The following PTPDC1 variants were observed in gnomAD, a reference collection of about 807,000 sequenced individuals.
The protein encoded by PTPDC1 is protein tyrosine phosphatase domain-containing protein 1.
A neutral mutation model predicts 75.3 loss-of-function variants in PTPDC1; 53 were observed. The ratio of observed to expected loss-of-function variants is 0.70; its 90% CI spans 0.56 to 0.88. PTPDC1 has a LOEUF of 0.88. Among genes scored for constraint, PTPDC1 ranks in the 40% least tolerant of loss-of-function variants. The pLI is 0.00. For missense variants in PTPDC1, 925 were observed against 998.6 expected (o/e 0.93, Z 0.99); for synonymous variants, 349 against 366.2 (o/e 0.95, Z 0.54).
rs1397961079 is a variant in PTPDC1, at chr9:94,098,246, C to T, written c.1680C>T (p.Pro560=). The change falls in exon 6 of 9, where the codon CCC becomes CCT. Residue 560 remains proline, a synonymous_variant. Coordinates refer to ENST00000620992, the MANE Select transcript of PTPDC1 (RefSeq NM_001253829.2). ...ACAGCCCTGGGGAGCCAGTTTCACC[C>T]AGCTTTGCAAATGTCCATAAGGATC... ...GSHSPGEPVS[P]SFANVHKDPN... 1 of 1,614,204 alleles carries T rather than the reference C, an allele frequency of 6.2e-7. No homozygotes were observed. Among genetic ancestry groups the T allele is most frequent in the East Asian group, 2.2e-5 (1 of 44,876 alleles).
At chr9:94,045,824 G>T (rs1488068830) in intron 1 of PTPDC1, among the ~76,000 whole-genome samples, 1 of 151,552 alleles carries the variant, frequency 6.6e-6, no homozygotes, top group Non-Finnish European at 1.5e-5. Flanking sequence ...AGTTTCTTTT[G>T]CTGTGCAGAA....
At chr9:94,058,889 G>C (rs145354499) in intron 1 of PTPDC1, among the ~76,000 whole-genome samples, 2 of 152,088 alleles carry the variant, frequency 1.3e-5, no homozygotes, top group African/African-American at 4.8e-5. Context: ...TACTTGGGAG[G>C]CTGAGGTAGC....
chr9:94,107,506 T>A (rs1828064925), intron 8 of PTPDC1, among the ~76,000 whole-genome samples: 1 of 152,160 alleles, frequency 6.6e-6, no homozygotes. Flanking sequence ...ATGGGAAACT[T>A]TTCTCTTATA....
chr9:94,050,611 C>T (rs1825758738), intron 1 of PTPDC1, among the ~76,000 whole-genome samples: 1 of 152,210 alleles, frequency 6.6e-6, no homozygotes, highest in Non-Finnish European at 1.5e-5. Flanking sequence ...TGTGAGGTGT[C>T]AGACTGCCCC....
At chr9:94,107,477 G>A (rs1038225553) in intron 8 of PTPDC1, among the ~76,000 whole-genome samples, 5 of 152,182 alleles carry the variant, frequency 3.3e-5, no homozygotes, top group African/African-American at 1.2e-4. Flanking sequence ...GACGTATACA[G>A]CTGATGTGCT....
intron 1 of PTPDC1, among the ~76,000 whole-genome samples, chr9:94,052,186 G>T (rs1330615789): frequency 6.6e-6 from 1 of 151,966 alleles, no homozygotes; most frequent in East Asian, 1.9e-4. Flanking sequence ...CTTTTACTTA[G>T]TTCAAAATAT....
At chr9:94,050,837 TC>T (rs1206840550) in intron 1 of PTPDC1, among the ~76,000 whole-genome samples, 1 of 152,240 alleles carries the variant, frequency 6.6e-6, no homozygotes, top group East Asian at 1.9e-4. Context: ...CAGGCAGGCC[TC>T]CTTGAGCTGC....
chr9:94,086,636 C>T (rs1827083041), intron 2 of PTPDC1, among the ~76,000 whole-genome samples: 1 of 152,150 alleles, frequency 6.6e-6, no homozygotes, highest in Non-Finnish European at 1.5e-5. Context: ...AGCCAGAGCC[C>T]AGAGGCCTGA....
chr9:94,031,693 A>G (rs1296887457), intron 1 of PTPDC1, among the ~76,000 whole-genome samples: 1 of 152,148 alleles, frequency 6.6e-6, no homozygotes, highest in Non-Finnish European at 1.5e-5. Flanking sequence ...AAAGAGCCTC[A>G]AAACAAGCAG....
At chr9:94,088,807 G>T (rs987766852) in intron 4 of PTPDC1, among the ~76,000 whole-genome samples, 4 of 152,126 alleles carry the variant, frequency 2.6e-5, no homozygotes, top group Non-Finnish European at 4.4e-5. Flanking sequence ...AACCAGGCTG[G>T]AAAGGATAAA....
Position 94,097,420 on chromosome 9 carries a change from G to T in PTPDC1, c.854G>T (p.Arg285Ile). Reference protein sequence around the residue: ...RAKRPNSIQTRGQLLCVREFT... With the variant: ...RAKRPNSIQTIGQLLCVREFT... Reference sequence around the variant, plus strand: ...AAGCGACCCAATTCCATACAAACCAGAGGACAGCTCCTCTGTGTAAGGGAA... The same window carrying T: ...AAGCGACCCAATTCCATACAAACCATAGGACAGCTCCTCTGTGTAAGGGAA... Residue 285 changes from arginine (R) to isoleucine (I), a missense_variant, in exon 6 of 9, where the codon AGA becomes ATA. Transcript: ENST00000620992. The T allele has an allele frequency of 6.2e-7, 1 of 1,614,164 alleles. No homozygotes were observed. Among genetic ancestry groups the T allele is most frequent in the Non-Finnish European group, 8.5e-7 (1 of 1,180,018 alleles).
chr9:94,064,953 T>C, intron 2 of PTPDC1: 2 of 654,142 alleles, frequency 3.1e-6, no homozygotes, highest in Non-Finnish European at 5.2e-6. Context: ...TATTACTTAC[T>C]GCCTTACCAT....
Position 94,061,026 on chromosome 9 carries a change from A to G in PTPDC1, c.-6-3708A>G, listed in dbSNP as rs1053803036. Among the ~76,000 whole-genome samples the G allele has an allele frequency of 2.6e-5, 4 of 152,202 alleles. No homozygotes were observed. In the South Asian group the frequency reaches 8.3e-4, roughly 31 times the overall value. On this transcript the variant is annotated intron_variant, in intron 1 of 9. Transcript: ENST00000375360. Reference sequence around the variant, plus strand: ...TAACTCAAAAGTCCAAAGTCTTATCAGAGACAAGGCTAGTACCTTCCACCT... The same window carrying G: ...TAACTCAAAAGTCCAAAGTCTTATCGGAGACAAGGCTAGTACCTTCCACCT...
At chr9:94,039,341 A>G (rs1445762907) in intron 1 of PTPDC1, among the ~76,000 whole-genome samples, 3 of 152,158 alleles carry the variant, frequency 2.0e-5, no homozygotes, top group Admixed American at 6.5e-5. Flanking sequence ...ATAAATATAT[A>G]CTAGATATTA....
chr9:94,095,254 T>TCAA, intron 4 of PTPDC1, 63 bp from the exon 5 acceptor site: 2 of 1,164,316 alleles, frequency 1.7e-6, no homozygotes, highest in South Asian at 1.7e-5. Context: ...TACTTTTCAT[T>TCAA]AGTGTTTGTA....
chr9:94,092,326 T>C (rs1308149174), intron 4 of PTPDC1, among the ~76,000 whole-genome samples: 6 of 142,918 alleles, frequency 4.2e-5, no homozygotes, highest in Admixed American at 2.8e-4. Flanking sequence ...TATTTCTGCC[T>C]TCATTTCGTT....
At chr9:94,076,308 T>C (rs1826687580) in intron 2 of PTPDC1, among the ~76,000 whole-genome samples, 1 of 152,206 alleles carries the variant, frequency 6.6e-6, no homozygotes, top group South Asian at 2.1e-4. Flanking sequence ...CTGGCCACTT[T>C]GTACTCTTTA....
rs150432810 is a variant in PTPDC1, at chr9:94,071,202, A to G, written c.82+6381A>G. Among the ~76,000 whole-genome samples, 40 of 152,296 alleles carry G rather than the reference A, an allele frequency of 2.6e-4. 1 individual carries two copies. In the East Asian group the frequency reaches 7.7e-3, roughly 29 times the overall value. ...GGTTTTATCAGTATTTATTTTAGCC[A>G]TTAGAGCAGTTCTATAGTGGTGTCT... On this transcript the variant is annotated intron_variant, in intron 2 of 9. Coordinates refer to the PTPDC1 transcript ENST00000375360.
At chr9:94,047,825 G>C (rs941310150) in intron 1 of PTPDC1, among the ~76,000 whole-genome samples, 1 of 152,242 alleles carries the variant, frequency 6.6e-6, no homozygotes, top group Non-Finnish European at 1.5e-5. Context: ...TAGAAGAAAT[G>C]GATAAATTCC....
Sources: gnomAD v4.1 joint callset for allele counts (sites outside exome capture counted in the v4.1 genomes callset) on GRCh38, gnomAD v4.1.1 for gene constraint, MANE v1.5 for transcripts, NCBI Gene and HGNC (gene_info 2026-07-23, HGNC 2026-07-21) for gene names.